Variants in ATXN7L1 observed in about 807,000 individuals in gnomAD.
ATXN7L1 encodes the protein ataxin 7 like 1, also known as ataxin-7-like protein 1.
Under a neutral mutation model 70.8 loss-of-function variants are expected in ATXN7L1, and 15 were observed. The observed-to-expected ratio is 0.21, with a 90% confidence interval of 0.14 to 0.33. The LOEUF (loss-of-function observed/expected upper bound fraction) is 0.33. Among genes scored for constraint, ATXN7L1 ranks in the 10% least tolerant of loss-of-function variants. The pLI, the probability that ATXN7L1 is intolerant of heterozygous loss-of-function variation, is 1.00. For missense variants in ATXN7L1, 975 were observed against 1,097.1 expected, an observed-to-expected ratio of 0.89 and a Z score of 1.57; for synonymous variants, 440 against 445.1, an observed-to-expected ratio of 0.99 and a Z score of 0.14.
chr7:105,865,623 G>A (rs1186925972), intron 2 of ATXN7L1, among the ~76,000 whole-genome samples: 3 of 152,044 alleles, frequency 2.0e-5, no homozygotes, highest in South Asian at 2.1e-4. Context: ...GGATGGTATC[G>A]ATCTCCTGAC....
intron 5 of ATXN7L1, among the ~76,000 whole-genome samples, chr7:105,641,010 A>G (rs2115913879): frequency 6.6e-6 from 1 of 152,362 alleles, no homozygotes; most frequent in East Asian, 1.9e-4. Flanking sequence ...CTCCGAGCAT[A>G]TAACAATGCT....
chr7:105,713,751 C>T (rs180869273), intron 3 of ATXN7L1, among the ~76,000 whole-genome samples: 11 of 152,312 alleles, frequency 7.2e-5, no homozygotes, highest in East Asian at 5.8e-4. Context: ...ACACATGCAC[C>T]CTCAAGAAAC....
intron 2 of ATXN7L1, among the ~76,000 whole-genome samples, chr7:105,839,954 A>G (rs1812956872): frequency 6.6e-6 from 1 of 152,196 alleles, no homozygotes; most frequent in Non-Finnish European, 1.5e-5. Context: ...CATGGGTCTG[A>G]GGTTTAGGGT....
At chr7:105,639,387 T>TCGAGGTTCCACACCCTGC in intron 6 of ATXN7L1, 100 bp downstream of exon 6, 1 of 883,012 alleles carries the variant, frequency 1.1e-6, no homozygotes, top group Non-Finnish European at 1.8e-6. Flanking sequence ...GGGGGTCATG[T>TCGAGGTTCCACACCCTGC]CGAGGTTCCA....
At chr7:105,797,709 T>C (rs1806199759) in intron 2 of ATXN7L1, among the ~76,000 whole-genome samples, 1 of 152,250 alleles carries the variant, frequency 6.6e-6, no homozygotes, top group South Asian at 2.1e-4. Flanking sequence ...TCTGTGGCCT[T>C]CTTCTCATCT....
chr7:105,641,738 G>A (rs933468015), intron 5 of ATXN7L1, among the ~76,000 whole-genome samples: 7 of 152,288 alleles, frequency 4.6e-5, no homozygotes, highest in Non-Finnish European at 1.0e-4. Context: ...TGCTTAGGGA[G>A]AGCACCAGGC....
intron 3 of ATXN7L1, among the ~76,000 whole-genome samples, chr7:105,782,045 C>T (rs543639387): frequency 1.3e-3 from 202 of 152,294 alleles, no homozygotes; most frequent in Non-Finnish European, 1.6e-3. Context: ...GTTGCCTAGG[C>T]TGGTCTCGAA....
intron 3 of ATXN7L1, among the ~76,000 whole-genome samples, chr7:105,733,443 C>A (rs1044393889): frequency 7.2e-5 from 11 of 151,902 alleles, no homozygotes; most frequent in Non-Finnish European, 1.6e-4. Context: ...ATCAGGGGTA[C>A]AAAGGTGAGT....
intron 3 of ATXN7L1, among the ~76,000 whole-genome samples, chr7:105,780,290 G>A (rs535877138): frequency 1.3e-5 from 2 of 152,302 alleles, no homozygotes; most frequent in Non-Finnish European, 2.9e-5. Flanking sequence ...TACACAGAAG[G>A]ATGGGGTGCC....
At chr7:105,639,400 C>G in intron 6 of ATXN7L1, 87 bp downstream of exon 6, 1 of 1,074,696 alleles carries the variant, frequency 9.3e-7, no homozygotes, top group Non-Finnish European at 1.4e-6. Flanking sequence ...AGGTTCCACA[C>G]CCTGCCGTGT....
At position 105,642,903 on chromosome 7, in the gene ATXN7L1, G is replaced by A. The variant is rs918224872; in HGVS notation, c.797C>T (p.Thr266Ile). The A allele has an allele frequency of 1.6e-5, 25 of 1,551,612 alleles. No individual in the cohort carries two copies. In the African/African-American group the frequency reaches 2.9e-4, roughly 18 times the overall value. The change falls in exon 5 of 12, where the codon ACC becomes ATC. Residue 266 changes from threonine to isoleucine, a missense_variant. By Grantham distance (89) the Thr-to-Ile change is moderately conservative. Around this residue, in one of 5 missense-constraint regions of ATXN7L1, gnomAD observed 192 missense variants for 215.5 expected, o/e 0.89. Coordinates refer to ENST00000419735, the MANE Select transcript of ATXN7L1 (RefSeq NM_020725.2). ...ATTTTGGTGTTTCTTGTCTATGGTG[G>A]TTGGCAGAATTCCTTTGCCATTTAA... ...KILNGKGILP[T>I]TIDKKHQNGT...
In ATXN7L1 at chr7:105,750,509, G is replaced by GC. The variant is rs536777270; in HGVS notation, c.355+38094dup. Among the ~76,000 whole-genome samples, 49 of 151,880 alleles carry GC rather than the reference G, an allele frequency of 3.2e-4. 1 individual carries two copies. In the East Asian group the frequency reaches 9.2e-3, roughly 28 times the overall value. ...AGGCTGGTTTTGAACTCCCTCCTTG[G>GC]CCTCTCAAAGTGTTGGGATTACAGG... On this transcript the variant is annotated intron_variant, in intron 3 of 11. Coordinates refer to ENST00000419735, the MANE Select transcript of ATXN7L1 (RefSeq NM_020725.2).
At chr7:105,782,892 G>A (rs1803740414) in intron 3 of ATXN7L1, among the ~76,000 whole-genome samples, 1 of 152,212 alleles carries the variant, frequency 6.6e-6, no homozygotes, top group Non-Finnish European at 1.5e-5. Context: ...CATCCTCTGA[G>A]ACAGGGCAAG....
chr7:105,703,060 G>T (rs906991818), intron 3 of ATXN7L1, among the ~76,000 whole-genome samples: 2 of 152,310 alleles, frequency 1.3e-5, no homozygotes, highest in Non-Finnish European at 1.5e-5. Context: ...AGCTTGCAGT[G>T]AGCCCAGATC....
At chr7:105,697,323 G>A (rs1307941823) in intron 3 of ATXN7L1, among the ~76,000 whole-genome samples, 1 of 152,190 alleles carries the variant, frequency 6.6e-6, no homozygotes, top group Non-Finnish European at 1.5e-5. Flanking sequence ...AGAGGGGCCA[G>A]TTCAGAGACC....
rs189310339 is a variant in ATXN7L1 at position 105,831,105 on chromosome 7, C to T, written c.251-42397G>A. On this transcript the variant is annotated intron_variant, in intron 2 of 11. Transcript: ENST00000419735. ...ATGAGGTGCTCCAGTCCACCTTTAC[C>T]GTAGATGGGGTGACTGGGGCCTAGA... Among the ~76,000 whole-genome samples the T allele has an allele frequency of 1.6e-4, 24 of 152,278 alleles. 1 individual carries two copies. The East Asian group carries it at 4.1e-3, about 26-fold the overall frequency.
chr7:105,852,637 T>C (rs1029318742), intron 2 of ATXN7L1, among the ~76,000 whole-genome samples: 12 of 151,780 alleles, frequency 7.9e-5, no homozygotes, highest in Non-Finnish European at 1.3e-4. Context: ...TCAGCTCTGA[T>C]GGAGAGGTGC....
At position 105,737,318 on chromosome 7, in the gene ATXN7L1, T is replaced by C. The variant is rs547451587; in HGVS notation, c.355+51286A>G. 7.6e-4 allele frequency among the ~76,000 whole-genome samples: 116 copies of C among 152,368 alleles called. 1 individual carries two copies. The South Asian group carries it at 9.5e-3, about 13-fold the overall frequency. On this transcript the variant is annotated intron_variant, in intron 3 of 11. Transcript: ENST00000419735. ...CAAACTTCCTCCATTGTAACAATATTAGCTAATGCTTATTGATCACTGATC... is the reference window on the plus strand; with the variant it reads ...CAAACTTCCTCCATTGTAACAATATCAGCTAATGCTTATTGATCACTGATC...
At chr7:105,615,698 G>C (rs1198518415) in intron 9 of ATXN7L1, among the ~76,000 whole-genome samples, 1 of 152,234 alleles carries the variant, frequency 6.6e-6, no homozygotes, top group Non-Finnish European at 1.5e-5. Context: ...CAGAGAAGGA[G>C]ATCAGGGATT....
Sources: allele counts gnomAD v4.1 joint callset (sites outside exome capture counted in the v4.1 genomes callset), GRCh38; gene constraint gnomAD v4.1.1; regional missense constraint gnomAD v4.1.1; transcripts MANE v1.5; gene names NCBI Gene and HGNC (gene_info 2026-07-23, HGNC 2026-07-21).